Variants in FOXP2 observed in about 807,000 individuals in gnomAD.
FOXP2 encodes forkhead box protein P2.
In FOXP2, 12 loss-of-function variants were observed where a neutral mutation model predicts 115.8. The ratio of observed to expected loss-of-function variants is 0.10; its 90% CI spans 0.07 to 0.17. The LOEUF (loss-of-function observed/expected upper bound fraction) is 0.17. FOXP2 is among the 10% of genes least tolerant of loss of function. FOXP2 has a pLI of 1.00. For synonymous variants in FOXP2, 328 were observed against 297.7 expected (o/e 1.10, Z -1.05); for missense variants, 629 against 843.5 (o/e 0.75, Z 3.15).
chr7:114,423,052 A>T (rs1183489273), intron 1 of FOXP2, among the ~76,000 whole-genome samples: 1 of 151,760 alleles, frequency 6.6e-6, no homozygotes, highest in Non-Finnish European at 1.5e-5. Flanking sequence ...TGCACGCTTT[A>T]TTCAAGATTA....
At chr7:114,286,120 C>T (rs560468838) in intron 1 of FOXP2, among the ~76,000 whole-genome samples, 1 of 151,882 alleles carries the variant, frequency 6.6e-6, no homozygotes, top group East Asian at 1.9e-4. Flanking sequence ...CTGCCCGATT[C>T]TTAGATCAGT....
At chr7:114,129,489 G>A (rs1791813897) in intron 1 of FOXP2, among the ~76,000 whole-genome samples, 1 of 152,006 alleles carries the variant, frequency 6.6e-6, no homozygotes, top group Non-Finnish European at 1.5e-5. Flanking sequence ...TATTTGGACT[G>A]CTTAGTAACT....
intron 9 of FOXP2, chr7:114,653,339 T>A (rs1806388269): frequency 6.3e-6 from 1 of 159,342 alleles, no homozygotes; most frequent in Non-Finnish European, 1.4e-5. Flanking sequence ...GTCTGACTGA[T>A]GGAAAAGTAA....
At chr7:114,298,909 C>T (rs937676127) in intron 2 of FOXP2, among the ~76,000 whole-genome samples, 4 of 151,960 alleles carry the variant, frequency 2.6e-5, no homozygotes, top group Admixed American at 2.0e-4. Context: ...AATAGAGGCA[C>T]GTGGAGTAAG....
chr7:114,434,743 T>C (rs145697772), intron 2 of FOXP2, among the ~76,000 whole-genome samples: 5 of 152,262 alleles, frequency 3.3e-5, no homozygotes, highest in Admixed American at 2.6e-4. Context: ...TACTGTCAAA[T>C]TAATACTTTC....
intron 2 of FOXP2, among the ~76,000 whole-genome samples, chr7:114,491,852 G>A (rs899348339): frequency 2.6e-4 from 39 of 152,114 alleles, no homozygotes; most frequent in African/African-American, 9.2e-4. Context: ...TGTTCATCAG[G>A]GATATTGGTC....
At chr7:114,246,455 A>G (rs1244189138) in intron 1 of FOXP2, among the ~76,000 whole-genome samples, 1 of 152,122 alleles carries the variant, frequency 6.6e-6, no homozygotes, top group Non-Finnish European at 1.5e-5. Flanking sequence ...CATAAGATAA[A>G]AGAAGTAATA....
intron 2 of FOXP2, among the ~76,000 whole-genome samples, chr7:114,475,727 T>C (rs1348317814): frequency 2.0e-5 from 3 of 151,940 alleles, no homozygotes; most frequent in Non-Finnish European, 4.4e-5. Context: ...ATCAAAAACA[T>C]CTCTTATGGT....
intron 1 of FOXP2, among the ~76,000 whole-genome samples, chr7:114,255,604 A>G (rs566979705): frequency 6.6e-6 from 1 of 152,206 alleles, no homozygotes; most frequent in Admixed American, 6.5e-5. Context: ...GGCGGGCAAT[A>G]TAATCTCCTG....
chr7:114,183,618 CT>C (rs2129155604), intron 1 of FOXP2, among the ~76,000 whole-genome samples: 1 of 152,232 alleles, frequency 6.6e-6, no homozygotes, highest in Non-Finnish European at 1.5e-5. Context: ...TGAAAGTTCT[CT>C]GAAAACTATA....
chr7:114,134,503 G>A (rs1351914410), intron 1 of FOXP2, among the ~76,000 whole-genome samples: 2 of 151,854 alleles, frequency 1.3e-5, no homozygotes, highest in African/African-American at 4.8e-5. Context: ...CACGAGGTCA[G>A]GAGATCAAGA....
chr7:114,209,350 G>A (rs4730629), intron 1 of FOXP2, among the ~76,000 whole-genome samples: 20 of 152,086 alleles, frequency 1.3e-4, no homozygotes, highest in African/African-American at 3.6e-4. Flanking sequence ...TGGGTATGTC[G>A]TTATTAGCAG....
chr7:114,374,237 A>T (rs905460963), intron 2 of FOXP2, among the ~76,000 whole-genome samples: 1 of 152,222 alleles, frequency 6.6e-6, no homozygotes, highest in African/African-American at 2.4e-5. Flanking sequence ...TTCAAGCTTC[A>T]TATGTCACAG....
chr7:114,379,183 T>C (rs1452163224), intron 2 of FOXP2, among the ~76,000 whole-genome samples: 1 of 152,208 alleles, frequency 6.6e-6, no homozygotes, highest in Admixed American at 6.5e-5. Context: ...CTGGCTCGAA[T>C]GCCTGGGTTT....
chr7:114,474,639 G>T (rs1418306824), intron 2 of FOXP2, among the ~76,000 whole-genome samples: 1 of 152,096 alleles, frequency 6.6e-6, no homozygotes, highest in East Asian at 1.9e-4. Flanking sequence ...AGTGGTGATT[G>T]GTTAGGGAAT....
intron 2 of FOXP2, chr7:114,498,789 AT>A (rs1182483258): frequency 5.7e-6 from 4 of 707,136 alleles, no homozygotes; most frequent in South Asian, 1.5e-5. Flanking sequence ...TTTGCAAATA[AT>A]TTTTTTGGGG....
At chr7:114,435,728 G>A (rs534734536) in intron 2 of FOXP2, among the ~76,000 whole-genome samples, 17 of 152,122 alleles carry the variant, frequency 1.1e-4, no homozygotes, top group East Asian at 1.9e-4. Flanking sequence ...TAGTAGAGAC[G>A]GGGTTTCACC....
At chr7:114,539,953 G>A (rs957039048) in intron 3 of FOXP2, among the ~76,000 whole-genome samples, 6 of 151,830 alleles carry the variant, frequency 4.0e-5, no homozygotes, top group Non-Finnish European at 8.8e-5. Context: ...CCTAAAATAG[G>A]AATAAAGATA....
intron 1 of FOXP2, among the ~76,000 whole-genome samples, chr7:114,221,318 C>G (rs1439672239): frequency 6.6e-6 from 1 of 152,002 alleles, no homozygotes; most frequent in South Asian, 2.1e-4. Context: ...GACACAATTT[C>G]TAGGAAGTCA....
Sources: allele counts gnomAD v4.1 joint callset (sites outside exome capture counted in the v4.1 genomes callset), GRCh38; gene constraint gnomAD v4.1.1; transcripts MANE v1.5; gene names NCBI Gene and HGNC (gene_info 2026-07-23, HGNC 2026-07-21).